The following CHN2 variants were observed in gnomAD, a reference collection of about 807,000 sequenced individuals.
CHN2 encodes the protein chimerin 2, also known as beta-chimaerin.
CHN2 carries 35 observed loss-of-function variants against 56.3 expected under a neutral mutation model. That is an observed-to-expected ratio of 0.62 (90% confidence interval 0.47 to 0.82). The LOEUF (loss-of-function observed/expected upper bound fraction) is 0.82, where lower values mean the gene tolerates loss of function less well. Ranked by LOEUF, CHN2 falls within the 40% of genes least tolerant of loss-of-function variation. The probability of loss-of-function intolerance (pLI) is 0.00; values close to 1 mark genes in which losing one functional copy is unlikely to be tolerated. For synonymous variants in CHN2, 210 were observed against 212.8 expected (o/e 0.99, Z 0.12); for missense variants, 491 against 580.5 (o/e 0.85, Z 1.58).
At chr7:29,169,521 A>G (rs1165250478) in intron 2 of CHN2, among the ~76,000 whole-genome samples, 1 of 152,242 alleles carries the variant, frequency 6.6e-6, no homozygotes, top group Non-Finnish European at 1.5e-5. Flanking sequence ...TTGTTATATT[A>G]TCTTTCACTT....
Position 29,513,752 on chromosome 7 carries a change from C to G in CHN2, c.*1017C>G, listed in dbSNP as rs16875072. ...CGTTTTTCATTCTTGTTTTACAAAC[C>G]TATTTTTTAAAGTGAGAATAAGGTT... On this transcript the variant is annotated 3_prime_UTR_variant, in exon 13 of 13. Coordinates refer to ENST00000222792, the MANE Select transcript of CHN2 (RefSeq NM_004067.4). 1 of 152,650 alleles carries G rather than the reference C, an allele frequency of 6.6e-6. No homozygotes were observed. Among genetic ancestry groups the G allele is most frequent in the Middle Eastern group, 3.4e-3 (1 of 294 alleles). 9.5% of individuals were successfully genotyped at this position (152,650 alleles called of 1,614,324 possible).
chr7:29,154,710 C>T (rs1794094120), intron 2 of CHN2, among the ~76,000 whole-genome samples: 1 of 152,070 alleles, frequency 6.6e-6, no homozygotes, highest in Non-Finnish European at 1.5e-5. Flanking sequence ...TGGCACGTAC[C>T]TGTGGTCCCA....
chr7:29,500,125 T>C (rs1046934896), intron 9 of CHN2, 85 bp downstream of exon 9: 2 of 1,082,056 alleles, frequency 1.8e-6, no homozygotes, highest in Admixed American at 3.4e-5. Context: ...ACAGAGTTGC[T>C]CTACTACTCT....
Position 29,284,885 on chromosome 7 carries a change from A to G in CHN2, c.50-69740A>G, listed in dbSNP as rs151051331. On this transcript the variant is annotated intron_variant, in intron 1 of 12. Transcript: ENST00000222792. ...GATTCTGGCTGCAGAGCTCACATGC[A>G]TCCTCCCTTCTCCAGGCAGCCTCTT... Among the ~76,000 whole-genome samples, 309 of 152,354 alleles carry G rather than the reference A, an allele frequency of 2.0e-3. 1 individual carries two copies. The highest frequency in any genetic ancestry group is 7.2e-3 in the African/African-American group (298 of 41,586).
chr7:29,313,382 G>A (rs893892955), intron 1 of CHN2, among the ~76,000 whole-genome samples: 16 of 152,346 alleles, frequency 1.1e-4, no homozygotes, highest in African/African-American at 3.8e-4. Context: ...CTGAAATAGA[G>A]GAACTCTGGT....
chr7:29,307,222 A>AT (rs1347187711), intron 1 of CHN2, among the ~76,000 whole-genome samples: 1 of 152,226 alleles, frequency 6.6e-6, no homozygotes, highest in Non-Finnish European at 1.5e-5. Context: ...TCTTTTATAC[A>AT]TTTTTAAAAG....
intron 1 of CHN2, among the ~76,000 whole-genome samples, chr7:29,337,400 A>G (rs968180016): frequency 6.6e-6 from 1 of 152,208 alleles, no homozygotes; most frequent in African/African-American, 2.4e-5. Context: ...GCAAACAGCA[A>G]GAGGATATGA....
At chr7:29,279,086 C>T (rs1036999684) in intron 1 of CHN2, among the ~76,000 whole-genome samples, 10 of 152,130 alleles carry the variant, frequency 6.6e-5, no homozygotes, top group African/African-American at 2.4e-4. Context: ...TGAGCGGCAG[C>T]ATCGTTTTCA....
intron 6 of CHN2, among the ~76,000 whole-genome samples, chr7:29,406,413 C>A (rs185418814): frequency 6.6e-6 from 1 of 152,156 alleles, no homozygotes. Context: ...TTGAGGGGTA[C>A]CTGTGAGCTG....
chr7:29,368,910 C>T (rs1799388649), intron 3 of CHN2, among the ~76,000 whole-genome samples: 1 of 152,102 alleles, frequency 6.6e-6, no homozygotes, highest in South Asian at 2.1e-4. Context: ...ACTTTCTCAT[C>T]CTAGGCATGT....
chr7:29,328,898 C>T (rs1796007454), intron 1 of CHN2, among the ~76,000 whole-genome samples: 1 of 152,176 alleles, frequency 6.6e-6, no homozygotes, highest in South Asian at 2.1e-4. Context: ...TTTGCAATAA[C>T]TGCTGTCATT....
chr7:29,285,439 G>A (rs1792071804), intron 1 of CHN2, among the ~76,000 whole-genome samples: 1 of 152,178 alleles, frequency 6.6e-6, no homozygotes, highest in African/African-American at 2.4e-5. Flanking sequence ...TTAGAGTCAG[G>A]TCAGGAACTA....
At chr7:29,275,000 C>T (rs892188052) in intron 1 of CHN2, among the ~76,000 whole-genome samples, 7 of 152,134 alleles carry the variant, frequency 4.6e-5, no homozygotes, top group Non-Finnish European at 1.0e-4. Flanking sequence ...TCTGGTCTCT[C>T]TTTGTCCCCT....
chr7:29,453,981 C>A (rs754911194), intron 6 of CHN2, among the ~76,000 whole-genome samples: 1 of 152,294 alleles, frequency 6.6e-6, no homozygotes, highest in East Asian at 1.9e-4. Flanking sequence ...GAAATCTCCA[C>A]CTCATATAAA....
At chr7:29,252,314 G>A (rs570429012) in intron 1 of CHN2, among the ~76,000 whole-genome samples, 28 of 148,096 alleles carry the variant, frequency 1.9e-4, no homozygotes, top group African/African-American at 3.0e-4. Context: ...TCAGCCTCCC[G>A]AGTAGCTGGG....
chr7:29,178,926 AAC>A (rs1797715608), intron 2 of CHN2, among the ~76,000 whole-genome samples: 1 of 152,234 alleles, frequency 6.6e-6, no homozygotes, highest in African/African-American at 2.4e-5. Flanking sequence ...AAAGAACACT[AAC>A]ACACCATTTA....
At chr7:29,458,165 C>G (rs1365381243) in intron 6 of CHN2, among the ~76,000 whole-genome samples, 1 of 152,090 alleles carries the variant, frequency 6.6e-6, no homozygotes, top group African/African-American at 2.4e-5. Flanking sequence ...CAATGGAATG[C>G]AGATACAGTG....
exon 2 of CHN2, chr7:29,146,933 G>C: frequency 1.9e-6 from 3 of 1,551,168 alleles, no homozygotes; most frequent in Non-Finnish European, 2.6e-6. Context: ...CACGTTCGCT[G>C]ATGGTCTACA....
intron 1 of CHN2, among the ~76,000 whole-genome samples, chr7:29,197,764 C>G (rs73684615): frequency 3.3e-5 from 5 of 152,048 alleles, no homozygotes; most frequent in Non-Finnish European, 7.4e-5. Context: ...CTCCAGCAGC[C>G]GAGACAAACA....
Sources: allele counts gnomAD v4.1 joint callset (sites outside exome capture counted in the v4.1 genomes callset), GRCh38; gene constraint gnomAD v4.1.1; transcripts MANE v1.5; gene names NCBI Gene and HGNC (gene_info 2026-07-23, HGNC 2026-07-21).